C4orf50: variants seen among roughly 807,000 people sequenced by gnomAD.
The protein encoded by C4orf50 is uncharacterized protein C4orf50.
Under a neutral mutation model 77.2 loss-of-function variants are expected in C4orf50, and 80 were observed. The observed-to-expected ratio is 1.04, with a 90% CI of 0.87 to 1.25. The LOEUF is 1.25. C4orf50 is among the 50% of genes most tolerant of loss of function. The pLI, the probability that C4orf50 is intolerant of heterozygous loss-of-function variation, is 0.00. For missense variants in C4orf50, 1,257 were observed against 1,152.9 expected, an observed-to-expected ratio of 1.09 and a Z score of -1.31; for synonymous variants, 532 against 465.3, an observed-to-expected ratio of 1.14 and a Z score of -1.84.
At chr4:5,999,601 G>A (rs553479763) in intron 25 of C4orf50, among the ~76,000 whole-genome samples, 2 of 152,116 alleles carry the variant, frequency 1.3e-5, no homozygotes, top group African/African-American at 4.8e-5. Context: ...TAACTTCACC[G>A]ATGCCTCAAG....
chr4:5,964,949 T>C (rs1353213595), intron 33 of C4orf50, 75 bp downstream of exon 11: 24 of 1,461,208 alleles, frequency 1.6e-5, no homozygotes, highest in Non-Finnish European at 2.1e-5. Context: ...CTTGGATAAT[T>C]TGCTAAGCTG....
intron 33 of C4orf50, among the ~76,000 whole-genome samples, chr4:5,963,696 C>T (rs1458012927): frequency 3.3e-5 from 5 of 152,202 alleles, no homozygotes; most frequent in African/African-American, 1.2e-4. Flanking sequence ...AGTTTTCCTT[C>T]TGAGCAATGG....
downstream of C4orf50, chr4:5,956,841 C>T (rs1320996035): frequency 1.3e-5 from 2 of 152,318 alleles, no homozygotes; most frequent in Admixed American, 1.3e-4. Flanking sequence ...CACTCGTAGT[C>T]ATTCCCTGCC....
chr4:5,960,147 C>G (rs932943222), intron 33 of C4orf50, among the ~76,000 whole-genome samples: 3 of 152,218 alleles, frequency 2.0e-5, no homozygotes, highest in Non-Finnish European at 4.4e-5. Context: ...TTAAGAGATT[C>G]TAAATGCCTT....
chr4:5,927,930 G>C (rs1267043107), intron 7 of C4orf50, among the ~76,000 whole-genome samples: 3 of 152,092 alleles, frequency 2.0e-5, no homozygotes, highest in African/African-American at 7.2e-5. Flanking sequence ...CCTCCCCTGG[G>C]GTCCCAGAAC....
intron 7 of C4orf50, among the ~76,000 whole-genome samples, chr4:5,936,141 G>C (rs186759473): frequency 8.6e-4 from 131 of 151,618 alleles, no homozygotes; most frequent in Middle Eastern, 3.4e-3. Context: ...TGAAACTAAA[G>C]TACAGAAAGA....
In C4orf50 at chr4:5,992,651, A is replaced by C. The variant is rs1340156505; in HGVS notation, c.1221+152T>G. Among the ~76,000 whole-genome samples the C allele has an allele frequency of 1.3e-5, 2 of 151,166 alleles. No individual in the cohort carries two copies. The highest frequency in any genetic ancestry group is 2.0e-4 in the East Asian group (1 of 5,082). ...CAGGATGTTTCATTTCCTCTCCTCA[A>C]ATCTCTCTCTCAACTACTTCCAGAA... On this transcript the variant is annotated intron_variant, in intron 27 of 33. Transcript: ENST00000531445. This position sits in a 1 kb window ranked among gnomAD's most constrained non-coding sequence, Gnocchi z 5.0.
chr4:5,988,981 T>G (rs1269576258), exon 28 of C4orf50: 1 of 1,535,946 alleles, frequency 6.5e-7, no homozygotes. Context: ...TTTCAGTGTT[T>G]CATTTTCCTC....
rs576049928 is a variant in C4orf50, at chr4:5,931,588, C to T, written c.*2474+25313G>A. ...GCCCTTCTAGACTGCCATGTTTCCA[C>T]GCTCCAAACACAGGCTCTGCGCGGC... On this transcript the variant is annotated intron_variant, in intron 7 of 7. Coordinates refer to the C4orf50 transcript ENST00000324058. Among the ~76,000 whole-genome samples, 16 of 152,238 alleles carry T rather than the reference C, an allele frequency of 1.1e-4. No individual in the cohort carries two copies. In the East Asian group the frequency reaches 1.9e-3, roughly 18 times the overall value.
intron 7 of C4orf50, among the ~76,000 whole-genome samples, chr4:5,940,796 C>A (rs2108750688): frequency 6.6e-6 from 1 of 152,314 alleles, no homozygotes; most frequent in Non-Finnish European, 1.5e-5. Flanking sequence ...CCTTGAAGCT[C>A]CTGCTCTCTC....
chr4:5,953,671 G>A (rs1190539102), downstream of C4orf50, among the ~76,000 whole-genome samples: 1 of 152,200 alleles, frequency 6.6e-6, no homozygotes, highest in Admixed American at 6.5e-5. Flanking sequence ...CATGGGGGCA[G>A]GTCCAGCCCC....
chr4:5,930,907 C>T (rs1478366119), intron 7 of C4orf50, among the ~76,000 whole-genome samples: 1 of 152,096 alleles, frequency 6.6e-6, no homozygotes, highest in African/African-American at 2.4e-5. Flanking sequence ...TGCTGGGAAG[C>T]GGAGAGGCAA....
intron 7 of C4orf50, among the ~76,000 whole-genome samples, chr4:5,935,629 TACA>T (rs1370321990): frequency 6.6e-6 from 1 of 151,218 alleles, no homozygotes; most frequent in East Asian, 1.9e-4. Flanking sequence ...GTACTAAAAA[TACA>T]AAAATTAGCT....
chr4:5,977,768 C>T (rs1720367868), intron 29 of C4orf50, among the ~76,000 whole-genome samples: 1 of 152,178 alleles, frequency 6.6e-6, no homozygotes, highest in Non-Finnish European at 1.5e-5. Flanking sequence ...ATATTTGCAG[C>T]CTTGGATTAA....
At chr4:5,898,831 C>T (rs575662266) in intron 7 of C4orf50, 12 of 151,956 alleles carry the variant, frequency 7.9e-5, no homozygotes, top group Non-Finnish European at 1.6e-4. Context: ...CTGGTGTTTT[C>T]AGAGACAAAA....
intron 7 of C4orf50, among the ~76,000 whole-genome samples, chr4:5,912,396 G>A (rs1467857562): frequency 6.6e-6 from 1 of 152,060 alleles, no homozygotes; most frequent in Non-Finnish European, 1.5e-5. Flanking sequence ...TTGGAATGAG[G>A]AAAATATTTT....
intron 7 of C4orf50, among the ~76,000 whole-genome samples, chr4:5,949,679 A>G (rs1718636355): frequency 6.6e-6 from 1 of 152,192 alleles, no homozygotes; most frequent in Non-Finnish European, 1.5e-5. Flanking sequence ...TGGGAATGTA[A>G]ATAAATGTAC....
At chr4:6,012,630 T>C (rs903800129) in intron 23 of C4orf50, among the ~76,000 whole-genome samples, 1 of 152,170 alleles carries the variant, frequency 6.6e-6, no homozygotes, top group African/African-American at 2.4e-5. Flanking sequence ...CAGGAAGACT[T>C]TGCATGGTCT....
At chr4:5,965,053 C>T in exon 33 of C4orf50, 1 of 1,613,528 alleles carries the variant, frequency 6.2e-7, no homozygotes, top group Non-Finnish European at 8.5e-7. Flanking sequence ...GCTGTCTGTG[C>T]TGGCCACTCC....
Sources: allele counts gnomAD v4.1 joint callset (sites outside exome capture counted in the v4.1 genomes callset), GRCh38; gene constraint gnomAD v4.1.1; non-coding constraint Gnocchi (gnomAD v3.1); transcripts MANE v1.5; gene names NCBI Gene and HGNC (gene_info 2026-07-23, HGNC 2026-07-21).